THSD7B: variants seen among roughly 807,000 people sequenced by gnomAD.
THSD7B encodes thrombospondin type 1 domain containing 7B.
In THSD7B, 138 loss-of-function variants were observed where a neutral mutation model predicts 213.6. The ratio of observed to expected loss-of-function variants is 0.65; its 90% CI spans 0.56 to 0.74. THSD7B has a LOEUF of 0.74. Among genes scored for constraint, THSD7B ranks in the 30% least tolerant of loss-of-function variants. The pLI is 0.00. For synonymous variants in THSD7B, 742 were observed against 687.0 expected (o/e 1.08, Z -1.25); for missense variants, 1,931 against 1,991.5 (o/e 0.97, Z 0.58).
intron 6 of THSD7B, among the ~76,000 whole-genome samples, chr2:137,170,001 G>A (rs756952984): frequency 1.3e-5 from 2 of 152,086 alleles, no homozygotes; most frequent in East Asian, 1.9e-4. Context: ...CCAAACACTC[G>A]CTGCAGTCTC....
chr2:137,011,991 G>T (rs1686238730), intron 2 of THSD7B, among the ~76,000 whole-genome samples: 1 of 152,046 alleles, frequency 6.6e-6, no homozygotes, highest in Non-Finnish European at 1.5e-5. Flanking sequence ...AAAATACGTG[G>T]AATAAGGACA....
At chr2:137,361,291 G>C (rs1685250390) in intron 12 of THSD7B, among the ~76,000 whole-genome samples, 1 of 152,178 alleles carries the variant, frequency 6.6e-6, no homozygotes. Context: ...GAGCAGAAAA[G>C]CTGAAAGTTC....
chr2:136,883,655 G>C (rs12471331), intron 2 of THSD7B, among the ~76,000 whole-genome samples: 4,468 of 152,226 alleles, frequency 0.029, 101 homozygotes, highest in South Asian at 0.071. Flanking sequence ...TTTGAAAAAC[G>C]AATGAGATGT....
At chr2:137,483,033 G>A (rs1004455792) in intron 15 of THSD7B, among the ~76,000 whole-genome samples, 7 of 151,938 alleles carry the variant, frequency 4.6e-5, no homozygotes, top group African/African-American at 1.5e-4. Flanking sequence ...AAAGTCGTGA[G>A]GGTATGTTCT....
chr2:137,329,461 G>A (rs1027527812), intron 12 of THSD7B, among the ~76,000 whole-genome samples: 1 of 152,128 alleles, frequency 6.6e-6, no homozygotes, highest in African/African-American at 2.4e-5. Context: ...CACCTCCAGG[G>A]TTCAAGCAAT....
chr2:137,616,255 C>T lies in THSD7B; in HGVS notation c.3504C>T (p.Asp1168=). 1 of 1,613,776 alleles carries T rather than the reference C, an allele frequency of 6.2e-7. No individual in the cohort carries two copies. The highest frequency in any genetic ancestry group is 8.5e-7 in the Non-Finnish European group (1 of 1,179,710). ...TGAACTCAAGGACTTGTGCTGAAGA[C>T]TCACAGGTGCAGCCTTGCCTCCTGA... ...PSLNSRTCAE[D]SQVQPCLLNE... is the part of the protein sequence containing the mutation. Residue 1168 remains aspartate (D), a synonymous_variant, in exon 18 of 28, where the codon GAC becomes GAT. Transcript: ENST00000409968.
At chr2:137,069,026 A>G (rs1194229077) in intron 3 of THSD7B, among the ~76,000 whole-genome samples, 2 of 152,088 alleles carry the variant, frequency 1.3e-5, no homozygotes, top group South Asian at 2.1e-4. Flanking sequence ...TATATTTGCA[A>G]TGTGGTAGGC....
intron 15 of THSD7B, among the ~76,000 whole-genome samples, chr2:137,470,927 T>C (rs1406955175): frequency 5.8e-4 from 74 of 127,698 alleles, no homozygotes; most frequent in African/African-American, 1.8e-3. Flanking sequence ...TTTTTTTTTT[T>C]TTTCTTTTTT....
intron 27 of THSD7B, among the ~76,000 whole-genome samples, chr2:137,671,244 TTTTAA>T (rs1683566782): frequency 2.5e-5 from 1 of 39,672 alleles, no homozygotes. Context: ...GCTTTTTTTT[TTTTAA>T]AAAAAAAAAA....
intron 12 of THSD7B, among the ~76,000 whole-genome samples, chr2:137,291,087 C>T (rs932451431): frequency 6.6e-6 from 1 of 152,166 alleles, no homozygotes; most frequent in Non-Finnish European, 1.5e-5. Flanking sequence ...TAACTGCTCT[C>T]TCTCATATCC....
intron 2 of THSD7B, among the ~76,000 whole-genome samples, chr2:136,951,746 C>T (rs1235913731): frequency 6.6e-6 from 1 of 152,136 alleles, no homozygotes; most frequent in Non-Finnish European, 1.5e-5. Flanking sequence ...ATTATAATTG[C>T]TAGTTGGTGG....
intron 2 of THSD7B, among the ~76,000 whole-genome samples, chr2:136,898,413 C>G (rs1684001868): frequency 6.6e-6 from 1 of 152,136 alleles, no homozygotes; most frequent in Admixed American, 6.5e-5. Context: ...CTCAGGTGAT[C>G]TGCCCGCCTC....
At chr2:137,671,247 TAAAAA>T (rs34209454) in intron 27 of THSD7B, among the ~76,000 whole-genome samples, 7 of 133,516 alleles carry the variant, frequency 5.2e-5, no homozygotes, top group Non-Finnish European at 7.6e-5. Flanking sequence ...TTTTTTTTTT[TAAAAA>T]AAAAAAAAAA....
intron 3 of THSD7B, 61 bp from the exon 4 acceptor site, chr2:137,094,812 T>C: frequency 1.3e-6 from 2 of 1,548,494 alleles, no homozygotes; most frequent in Non-Finnish European, 1.7e-6. Context: ...GTAGGCACTT[T>C]ATAATGTTAG....
chr2:137,659,098 G>A (rs1573771420), intron 24 of THSD7B, among the ~76,000 whole-genome samples: 1 of 152,210 alleles, frequency 6.6e-6, no homozygotes, highest in South Asian at 2.1e-4. Flanking sequence ...CTCTCCTAGA[G>A]CTTCGGTGCT....
intron 12 of THSD7B, among the ~76,000 whole-genome samples, chr2:137,307,681 A>G (rs1683788801): frequency 6.6e-6 from 1 of 152,158 alleles, no homozygotes; most frequent in Non-Finnish European, 1.5e-5. Flanking sequence ...ATGAAAAACA[A>G]TGCTCATGCA....
intron 7 of THSD7B, among the ~76,000 whole-genome samples, chr2:137,206,016 A>G (rs953743974): frequency 4.0e-5 from 6 of 151,130 alleles, no homozygotes; most frequent in African/African-American, 1.5e-4. Flanking sequence ...TCTGACAAAA[A>G]AATAGTTTAT....
intron 9 of THSD7B, among the ~76,000 whole-genome samples, chr2:137,234,227 C>T (rs568959144): frequency 1.3e-5 from 2 of 152,336 alleles, no homozygotes; most frequent in African/African-American, 2.4e-5. Context: ...TGACTACACC[C>T]TGCCCTCCAT....
chr2:137,100,361 C>T (rs1321057207), intron 4 of THSD7B, among the ~76,000 whole-genome samples: 1 of 151,950 alleles, frequency 6.6e-6, no homozygotes, highest in African/African-American at 2.4e-5. Context: ...GGTTATTTGT[C>T]TTAAGAATCT....
Sources: gnomAD v4.1 joint callset for allele counts (sites outside exome capture counted in the v4.1 genomes callset) on GRCh38, gnomAD v4.1.1 for gene constraint, MANE v1.5 for transcripts, NCBI Gene and HGNC (gene_info 2026-07-23, HGNC 2026-07-21) for gene names.